ABTB3: variants seen among roughly 807,000 people sequenced by gnomAD.
The protein encoded by ABTB3 is ankyrin repeat and BTB domain containing 3.
chr12:107,456,187 G>A, the ABTB3 span, among the ~76,000 whole-genome samples: 211 of 152,302 alleles, frequency 1.4e-3, no homozygotes, highest in African/African-American at 4.5e-3. Context: ...AGGAGTTACT[G>A]TTTTATCCCC....
chr12:107,492,311 T>A, the ABTB3 span, among the ~76,000 whole-genome samples: 1 of 152,086 alleles, frequency 6.6e-6, no homozygotes, highest in African/African-American at 2.4e-5. Context: ...CATTTTCACA[T>A]CTGAAAAATT....
At chr12:107,475,566 C>G in the ABTB3 span, among the ~76,000 whole-genome samples, 2 of 152,116 alleles carry the variant, frequency 1.3e-5, no homozygotes, top group African/African-American at 2.4e-5. Context: ...CTGATCTGAC[C>G]CAGATCCTTT....
At chr12:107,623,058 T>G in the ABTB3 span, among the ~76,000 whole-genome samples, 1 of 147,886 alleles carries the variant, frequency 6.8e-6, no homozygotes, top group Non-Finnish European at 1.5e-5. Context: ...CCAGCTTATT[T>G]GTCTTTTTTT....
chr12:107,320,384 G>T, the ABTB3 span, among the ~76,000 whole-genome samples: 2 of 152,210 alleles, frequency 1.3e-5, no homozygotes. Flanking sequence ...TTTGGAGCAG[G>T]GTTGAGATCA....
At chr12:107,424,226 G>A in the ABTB3 span, among the ~76,000 whole-genome samples, 667 of 152,258 alleles carry the variant, frequency 4.4e-3, 3 homozygotes, top group African/African-American at 0.015. Flanking sequence ...GCTTCATCCT[G>A]GAGACCCTGG....
the ABTB3 span, among the ~76,000 whole-genome samples, chr12:107,556,643 T>A: frequency 2.0e-5 from 3 of 152,242 alleles, no homozygotes; most frequent in Non-Finnish European, 4.4e-5. Context: ...TGCCTTAATG[T>A]ACATCGCCCT....
chr12:107,619,752 C>T, the ABTB3 span, among the ~76,000 whole-genome samples: 1 of 152,200 alleles, frequency 6.6e-6, no homozygotes, highest in Non-Finnish European at 1.5e-5. Flanking sequence ...GATGGACACC[C>T]ATAGCTGAGG....
the ABTB3 span, among the ~76,000 whole-genome samples, chr12:107,365,952 G>T: frequency 1.3e-5 from 2 of 152,336 alleles, no homozygotes; most frequent in East Asian, 1.9e-4. Flanking sequence ...TGGCTTCGAT[G>T]GGGGGCACCC....
At chr12:107,508,544 T>A in the ABTB3 span, among the ~76,000 whole-genome samples, 1 of 135,890 alleles carries the variant, frequency 7.4e-6, no homozygotes, top group Admixed American at 8.5e-5. Flanking sequence ...AACCTCCACC[T>A]CCGGGGTTCA....
At chr12:107,659,084 G>C in the ABTB3 span, 1 of 152,228 alleles carries the variant, frequency 6.6e-6, no homozygotes, top group South Asian at 2.1e-4. Flanking sequence ...TAAAAACTAG[G>C]AGAATGACTT....
At chr12:107,524,628 C>T in the ABTB3 span, among the ~76,000 whole-genome samples, 94 of 152,240 alleles carry the variant, frequency 6.2e-4, 1 homozygote, top group African/African-American at 2.2e-3. Context: ...TGTCCTCATT[C>T]GATGATATGG....
the ABTB3 span, among the ~76,000 whole-genome samples, chr12:107,430,583 G>C: frequency 6.6e-6 from 1 of 152,024 alleles, no homozygotes; most frequent in African/African-American, 2.4e-5. Context: ...TTATCCATCT[G>C]TCTATCCATC....
the ABTB3 span, among the ~76,000 whole-genome samples, chr12:107,396,625 T>C: frequency 6.6e-6 from 1 of 151,720 alleles, no homozygotes; most frequent in Non-Finnish European, 1.5e-5. Flanking sequence ...TAATTGTATT[T>C]GCTTTGGGAC....
chr12:107,387,282 C>T, the ABTB3 span, among the ~76,000 whole-genome samples: 1 of 152,172 alleles, frequency 6.6e-6, no homozygotes, highest in South Asian at 2.1e-4. Flanking sequence ...CTGGCCAAGT[C>T]AGCTGCATTC....
the ABTB3 span, among the ~76,000 whole-genome samples, chr12:107,514,958 G>A: frequency 2.6e-5 from 4 of 152,122 alleles, no homozygotes; most frequent in African/African-American, 9.7e-5. Flanking sequence ...AACATATGTT[G>A]GGAACCTACT....
chr12:107,493,829 G>C, the ABTB3 span, among the ~76,000 whole-genome samples: 50,430 of 151,984 alleles, frequency 0.33, 10,913 homozygotes, highest in African/African-American at 0.62. Context: ...CAGGAAATGC[G>C]AAGCATTGCC....
the ABTB3 span, among the ~76,000 whole-genome samples, chr12:107,344,930 G>A: frequency 6.6e-6 from 1 of 152,310 alleles, no homozygotes; most frequent in Non-Finnish European, 1.5e-5. Flanking sequence ...GTGGGTAAAA[G>A]GGCTCTAAAA....
the ABTB3 span, among the ~76,000 whole-genome samples, chr12:107,484,823 C>T: frequency 6.6e-6 from 1 of 152,114 alleles, no homozygotes; most frequent in African/African-American, 2.4e-5. Context: ...ACAGGATTTG[C>T]TGATGGATTA....
chr12:107,431,777 G>A, the ABTB3 span, among the ~76,000 whole-genome samples: 23 of 152,336 alleles, frequency 1.5e-4, 1 homozygote, highest in South Asian at 4.8e-3. Flanking sequence ...CATACCCTGA[G>A]GATGACCCTG....
Sources: gnomAD v4.1 joint callset for allele counts (sites outside exome capture counted in the v4.1 genomes callset) on GRCh38, gnomAD v4.1.1 for gene constraint, MANE v1.5 for transcripts, NCBI Gene and HGNC (gene_info 2026-07-23, HGNC 2026-07-21) for gene names.